The following ENTREP2 variants were observed in gnomAD, a reference collection of about 807,000 sequenced individuals.
ENTREP2 encodes the protein endosomal transmembrane epsin interactor 2.
the ENTREP2 span, among the ~76,000 whole-genome samples, chr15:29,319,111 G>A: frequency 1.3e-5 from 2 of 152,192 alleles, no homozygotes; most frequent in African/African-American, 4.8e-5. Context: ...AGAGCCCTGA[G>A]AGGAAGTGCC....
At chr15:29,494,126 C>G in the ENTREP2 span, among the ~76,000 whole-genome samples, 1 of 151,912 alleles carries the variant, frequency 6.6e-6, no homozygotes, top group Admixed American at 6.6e-5. Context: ...TCATTCTTTA[C>G]TGACAGAATG....
the ENTREP2 span, among the ~76,000 whole-genome samples, chr15:29,357,953 T>C: frequency 2.6e-5 from 4 of 151,736 alleles, no homozygotes; most frequent in African/African-American, 9.7e-5. Context: ...GGCAAACCTC[T>C]CAAGGCATGC....
the ENTREP2 span, among the ~76,000 whole-genome samples, chr15:29,130,185 A>G: frequency 6.6e-6 from 1 of 152,090 alleles, no homozygotes; most frequent in Non-Finnish European, 1.5e-5. Flanking sequence ...AGACAAAGAG[A>G]AGACGGAGAG....
At chr15:29,442,345 G>A in the ENTREP2 span, among the ~76,000 whole-genome samples, 6 of 152,216 alleles carry the variant, frequency 3.9e-5, no homozygotes, top group African/African-American at 1.4e-4. Flanking sequence ...GACTTGGGAA[G>A]ACCGTGTGCA....
At chr15:29,633,504 G>T in the ENTREP2 span, among the ~76,000 whole-genome samples, 316 of 152,104 alleles carry the variant, frequency 2.1e-3, no homozygotes, top group African/African-American at 7.4e-3. Flanking sequence ...ATGGAGTGGA[G>T]CCTTCAGTGT....
the ENTREP2 span, among the ~76,000 whole-genome samples, chr15:29,420,484 G>C: frequency 3.3e-5 from 5 of 152,192 alleles, no homozygotes; most frequent in South Asian, 4.2e-4. Flanking sequence ...TAACCACAAG[G>C]CTCTATCTTA....
At chr15:29,343,556 T>TA in the ENTREP2 span, among the ~76,000 whole-genome samples, 612 of 144,438 alleles carry the variant, frequency 4.2e-3, 3 homozygotes, top group African/African-American at 0.011. Flanking sequence ...TCCATTCCTT[T>TA]AAAAAAAAAA....
chr15:29,625,435 G>T, the ENTREP2 span, among the ~76,000 whole-genome samples: 1 of 152,066 alleles, frequency 6.6e-6, no homozygotes, highest in Non-Finnish European at 1.5e-5. Context: ...TGGCTCTGTC[G>T]CTCAGGCTGG....
chr15:29,123,256 G>A, the ENTREP2 span: 1 of 1,367,170 alleles, frequency 7.3e-7, no homozygotes, highest in South Asian at 1.5e-5. Flanking sequence ...GGGCCTGAAG[G>A]CCTCTTTGTC....
the ENTREP2 span, among the ~76,000 whole-genome samples, chr15:29,469,571 CG>C: frequency 1.3e-5 from 2 of 151,824 alleles, no homozygotes; most frequent in East Asian, 1.9e-4. Flanking sequence ...GTTGCCATGG[CG>C]GGGGAGGGGA....
At chr15:29,342,493 T>A in the ENTREP2 span, among the ~76,000 whole-genome samples, 1 of 152,144 alleles carries the variant, frequency 6.6e-6, no homozygotes, top group East Asian at 1.9e-4. Context: ...AGGATCAAAT[T>A]CCAGAACCGG....
chr15:29,360,798 T>C, the ENTREP2 span, among the ~76,000 whole-genome samples: 1 of 152,140 alleles, frequency 6.6e-6, no homozygotes, highest in African/African-American at 2.4e-5. Context: ...TCCCTATCAC[T>C]CCTCTGGTCT....
chr15:29,371,385 C>CACACACA, the ENTREP2 span, among the ~76,000 whole-genome samples: 1 of 151,058 alleles, frequency 6.6e-6, no homozygotes, highest in Non-Finnish European at 1.5e-5. Context: ...CACACACACA[C>CACACACA]GAAACCAACT....
At chr15:29,484,932 G>T in the ENTREP2 span, among the ~76,000 whole-genome samples, 1 of 152,140 alleles carries the variant, frequency 6.6e-6, no homozygotes. Context: ...ATTTTTATTT[G>T]TCTATTGCTT....
chr15:29,386,483 T>C, the ENTREP2 span, among the ~76,000 whole-genome samples: 3 of 152,152 alleles, frequency 2.0e-5, no homozygotes, highest in African/African-American at 4.8e-5. Context: ...CTAAGCAAGG[T>C]CCAGACTCCT....
the ENTREP2 span, among the ~76,000 whole-genome samples, chr15:29,637,972 G>A: frequency 1.3e-5 from 2 of 152,152 alleles, no homozygotes; most frequent in African/African-American, 2.4e-5. Context: ...CCACAGTGAA[G>A]AAGACCAAAT....
chr15:29,138,663 ATG>A, the ENTREP2 span, among the ~76,000 whole-genome samples: 216 of 149,708 alleles, frequency 1.4e-3, no homozygotes, highest in African/African-American at 5.1e-3. Context: ...GTGCATGTAG[ATG>A]TGTGTGTCTC....
the ENTREP2 span, among the ~76,000 whole-genome samples, chr15:29,583,913 G>C: frequency 6.6e-6 from 1 of 152,040 alleles, no homozygotes; most frequent in Admixed American, 6.6e-5. Context: ...CCTAATGTAA[G>C]AACTAAAACT....
At chr15:29,274,768 T>G in the ENTREP2 span, among the ~76,000 whole-genome samples, 1 of 152,102 alleles carries the variant, frequency 6.6e-6, no homozygotes, top group Non-Finnish European at 1.5e-5. Context: ...TAAAATAGAT[T>G]AACAGGAGAA....
Sources: gnomAD v4.1 joint callset for allele counts (sites outside exome capture counted in the v4.1 genomes callset) on GRCh38, gnomAD v4.1.1 for gene constraint, MANE v1.5 for transcripts, NCBI Gene and HGNC (gene_info 2026-07-23, HGNC 2026-07-21) for gene names.